Variants in CCNE2 observed in about 807,000 individuals in gnomAD.
CCNE2 encodes G1/S-specific cyclin-E2.
A neutral mutation model predicts 56.8 loss-of-function variants in CCNE2; 18 were observed. That is an observed-to-expected ratio of 0.32 (90% CI 0.22 to 0.47). The LOEUF (loss-of-function observed/expected upper bound fraction) is 0.47. Ranked by LOEUF, CCNE2 falls within the 20% of genes least tolerant of loss-of-function variation. The probability of loss-of-function intolerance (pLI) is 1.00; values close to 1 mark genes in which losing one functional copy is unlikely to be tolerated. For synonymous variants in CCNE2, 139 were observed against 149.2 expected, an observed-to-expected ratio of 0.93 and a Z score of 0.50; for missense variants, 371 against 467.1, an observed-to-expected ratio of 0.79 and a Z score of 1.90.
chr8:94,894,182 C>T, intron 2 of CCNE2, 26 bp downstream of exon 2: 3 of 1,613,928 alleles, frequency 1.9e-6, no homozygotes, highest in Non-Finnish European at 2.5e-6. Flanking sequence ...TAATTTGAAA[C>T]ATGTCTCTAA....
At chr8:94,890,342 T>C (rs1204685559) in intron 6 of CCNE2, 73 bp downstream of exon 6, 8 of 1,255,060 alleles carry the variant, frequency 6.4e-6, no homozygotes, top group East Asian at 2.8e-5. Context: ...TGAGAGTACA[T>C]AGAAAGCACA....
rs778706151 is a variant in CCNE2, at chr8:94,892,941, C to T, written c.194G>A (p.Gly65Glu). 1.3e-6 allele frequency: 2 copies of T among 1,536,056 alleles called. No homozygotes were observed. The highest frequency in any genetic ancestry group is 1.3e-5 in the South Asian group (1 of 75,996). ...RNCWPPVLSG[G>E]ISPCIIIETP... ...TTCAATGATAATGCAAGGACTGATC[C>T]CCCCAGATAATACAGGTGGCCAACA... is the stretch of plus-strand genomic sequence containing the variant. Residue 65 changes from glycine to glutamate, a missense_variant, in exon 5 of 12, where the codon GGG becomes GAG. Coordinates refer to ENST00000308108, the MANE Select transcript of CCNE2 (RefSeq NM_057749.3).
intron 5 of CCNE2, chr8:94,891,659 CA>C (rs34021439): frequency 0.14 from 35,623 of 258,938 alleles, 81 homozygotes; most frequent in East Asian, 0.16. Context: ...CCTCTGTCTC[CA>C]AAAAAAAAAA....
upstream of CCNE2, chr8:94,895,885 G>A (rs1381527291): frequency 6.5e-6 from 1 of 153,884 alleles, no homozygotes; most frequent in Non-Finnish European, 1.4e-5. Flanking sequence ...CGCCGGCCTT[G>A]CGCGGCGCGC....
chr8:94,887,905 G>C, intron 7 of CCNE2, 22 bp downstream of exon 7: 1 of 1,511,272 alleles, frequency 6.6e-7, no homozygotes. Context: ...ATATATCTAA[G>C]GATAAACTTT....
chr8:94,885,727 CTTTTTTTT>C (rs747420459), intron 7 of CCNE2, among the ~76,000 whole-genome samples, 169 bp from the exon 8 acceptor site: 2 of 114,176 alleles, frequency 1.8e-5, no homozygotes, highest in Non-Finnish European at 3.6e-5. Flanking sequence ...CATTTTCTTT[CTTTTTTTT>C]TTTTTTTTTT....
intron 9 of CCNE2, among the ~76,000 whole-genome samples, chr8:94,883,379 G>A (rs1318210243): frequency 1.3e-5 from 2 of 152,088 alleles, no homozygotes; most frequent in South Asian, 4.1e-4. Flanking sequence ...AATCCAGATT[G>A]GAAAAGATAG....
chr8:94,886,262 T>C (rs1486881028), intron 7 of CCNE2, among the ~76,000 whole-genome samples: 3 of 152,192 alleles, frequency 2.0e-5, no homozygotes, highest in Non-Finnish European at 4.4e-5. Flanking sequence ...TTTTCATATC[T>C]AGGTATCTAG....
chr8:94,881,884 A>G (rs1816831713), intron 11 of CCNE2, 139 bp from the exon 12 acceptor site: 1 of 1,044,530 alleles, frequency 9.6e-7, no homozygotes, highest in Middle Eastern at 3.1e-4. Flanking sequence ...ATATTCTGAA[A>G]GTTTCTGTAA....
At chr8:94,894,460 C>A (rs1817383829) in intron 1 of CCNE2, 1 of 550,128 alleles carries the variant, frequency 1.8e-6, no homozygotes, top group South Asian at 2.4e-5. Context: ...ACAGCTGGAA[C>A]GCGAGTGTCC....
chr8:94,892,793 A>G (rs1332414795), intron 5 of CCNE2, 25 bp downstream of exon 5: 1 of 1,265,774 alleles, frequency 7.9e-7, no homozygotes, highest in South Asian at 1.6e-5. Context: ...TATCTTTGAA[A>G]TAAAATTACT....
chr8:94,883,845 G>A (rs750575888), intron 9 of CCNE2: 12 of 455,352 alleles, frequency 2.6e-5, no homozygotes, highest in South Asian at 1.6e-4. Context: ...GATTTGAGAA[G>A]ATACTTGTGC....
chr8:94,881,984 A>ATTAAC, intron 11 of CCNE2, 148 bp downstream of exon 11: 1 of 911,474 alleles, frequency 1.1e-6, no homozygotes, highest in Admixed American at 3.0e-5. Context: ...AAGTAATTTT[A>ATTAAC]TTAACTTTTC....
At chr8:94,889,895 T>C (rs1178093494) in intron 6 of CCNE2, among the ~76,000 whole-genome samples, 1 of 152,174 alleles carries the variant, frequency 6.6e-6, no homozygotes, top group Non-Finnish European at 1.5e-5. Flanking sequence ...TTTAAATTAA[T>C]GGTATATTTC....
Position 94,887,992 on chromosome 8 carries a change from C to A in CCNE2, c.535G>T (p.Asp179Tyr), listed in dbSNP as rs907058086. The A allele has an allele frequency of 6.3e-7, 1 of 1,593,526 alleles. No homozygotes were observed. Among genetic ancestry groups the A allele is most frequent in the Non-Finnish European group, 8.6e-7 (1 of 1,167,562 alleles). The change falls in exon 7 of 12, where the codon GAT (aspartate) becomes TAT (tyrosine). Residue 179 changes from aspartate to tyrosine, a missense_variant. Asp to Tyr is a radical substitution (Grantham distance 160). Coordinates refer to ENST00000308108, the MANE Select transcript of CCNE2 (RefSeq NM_057749.3). ...FFDRFMLTQK[D>Y]INKNMLQLIG... ...AGTTGAAGCATATTTTTATTTATAT[C>A]CTTTTGTGTCAACATAAATCTATCA...
intron 11 of CCNE2, 117 bp downstream of exon 11, chr8:94,882,015 C>T (rs1816836398): frequency 3.9e-6 from 4 of 1,020,886 alleles, no homozygotes; most frequent in Non-Finnish European, 5.7e-6. Context: ...AATCAGTGTG[C>T]CCCTTAGAAC....
chr8:94,886,634 G>A (rs1440382713), intron 7 of CCNE2, among the ~76,000 whole-genome samples: 3 of 152,176 alleles, frequency 2.0e-5, no homozygotes, highest in South Asian at 2.1e-4. Flanking sequence ...CTCGGAGGTC[G>A]AGGCTGTACT....
intron 4 of CCNE2, 78 bp downstream of exon 4, chr8:94,893,813 C>T: frequency 7.2e-7 from 1 of 1,391,362 alleles, no homozygotes; most frequent in Non-Finnish European, 1.0e-6. Flanking sequence ...TATCGCAAAG[C>T]AATAAACACA....
At chr8:94,895,711 C>G (rs1222400608), upstream of CCNE2, 1 of 152,366 alleles carries the variant, frequency 6.6e-6, no homozygotes, top group Non-Finnish European at 1.5e-5. Context: ...GGGCCCGCCC[C>G]TCGGGGAGGA....
Sources: gnomAD v4.1 joint callset for allele counts (sites outside exome capture counted in the v4.1 genomes callset) on GRCh38, gnomAD v4.1.1 for gene constraint, MANE v1.5 for transcripts, NCBI Gene and HGNC (gene_info 2026-07-23, HGNC 2026-07-21) for gene names.